Variants in ANK2 observed in about 807,000 individuals in gnomAD.
The protein encoded by ANK2 is ankyrin 2.
Under a neutral mutation model 360.5 loss-of-function variants are expected in ANK2, and 83 were observed. The observed-to-expected ratio is 0.23, with a 90% CI of 0.19 to 0.28. ANK2 has a LOEUF of 0.28. ANK2 is among the 10% of genes least tolerant of loss of function. The pLI, the probability that ANK2 is intolerant of heterozygous loss-of-function variation, is 1.00. For missense variants in ANK2, 4,201 were observed against 4,795.7 expected (o/e 0.88, Z 3.66); for synonymous variants, 1,740 against 1,759.5 (o/e 0.99, Z 0.28).
intron 14 of ANK2, among the ~76,000 whole-genome samples, chr4:113,273,342 G>A (rs29398): frequency 0.055 from 8,322 of 152,176 alleles, 772 homozygotes; most frequent in African/African-American, 0.19. Context: ...ATGAAGAAAG[G>A]TTTTCAATTG....
chr4:112,805,346 T>G, the ANK2 span, among the ~76,000 whole-genome samples: 1 of 152,266 alleles, frequency 6.6e-6, no homozygotes, highest in African/African-American at 2.4e-5. Flanking sequence ...ACCAGAAGTA[T>G]TTGCGGCAGT....
the ANK2 span, among the ~76,000 whole-genome samples, chr4:112,785,650 G>A: frequency 6.6e-6 from 1 of 151,538 alleles, no homozygotes; most frequent in African/African-American, 2.4e-5. Context: ...GATTACAAGT[G>A]TGAGCCACTG....
At chr4:112,785,344 T>C in the ANK2 span, among the ~76,000 whole-genome samples, 4 of 151,996 alleles carry the variant, frequency 2.6e-5, no homozygotes, top group South Asian at 2.1e-4. Context: ...GGCTTTTTTT[T>C]CTTTTTGTTT....
chr4:113,264,901 G>C lies in ANK2; in HGVS notation c.1391G>C (p.Gly464Ala). ...ACGATCTTTGTTCCCTGGCAGCGTGGTGAGACGGCACTACACATGGCAGCC... is the reference window on the plus strand; with the variant it reads ...ACGATCTTTGTTCCCTGGCAGCGTGCTGAGACGGCACTACACATGGCAGCC... ...GASPDVTNIR[G>A]ETALHMAARA... Residue 464 changes from glycine (G) to alanine (A), a missense_variant, in exon 14 of 46, where the codon GGT (glycine) becomes GCT (alanine). This residue lies in a region of ANK2 where 1,268 missense variants were observed against 1,650.8 expected (regional missense o/e 0.77). Transcript: ENST00000357077. The C allele has an allele frequency of 6.4e-7, 1 of 1,561,784 alleles. No individual in the cohort carries two copies. The highest frequency in any genetic ancestry group is 8.7e-7 in the Non-Finnish European group (1 of 1,152,014).
intron 1 of ANK2, among the ~76,000 whole-genome samples, chr4:113,102,157 A>G (rs1167052743): frequency 6.6e-6 from 1 of 152,050 alleles, no homozygotes; most frequent in Non-Finnish European, 1.5e-5. Context: ...ATAGGATGTT[A>G]TGGTTATAGA....
At chr4:113,271,047 G>A (rs1004925004) in intron 14 of ANK2, among the ~76,000 whole-genome samples, 2 of 152,140 alleles carry the variant, frequency 1.3e-5, no homozygotes, top group African/African-American at 4.8e-5. Context: ...ATTCAAGATT[G>A]TGCTGATTAA....
chr4:113,377,567 G>A (rs2096995348), intron 45 of ANK2, among the ~76,000 whole-genome samples: 1 of 152,056 alleles, frequency 6.6e-6, no homozygotes, highest in Non-Finnish European at 1.5e-5. Flanking sequence ...TTTTGCTATT[G>A]GAACATTTTG....
At chr4:113,255,962 A>G in intron 11 of ANK2, 30 bp downstream of exon 11, 1 of 1,605,610 alleles carries the variant, frequency 6.2e-7, no homozygotes, top group Admixed American at 1.7e-5. Flanking sequence ...CATTAACTGA[A>G]TACAGATTGA....
chr4:113,097,866 G>GTA lies in ANK2; in HGVS notation c.84+48062_84+48063dup, dbSNP rs1376914844. Among the ~76,000 whole-genome samples, 831 of 108,800 alleles carry GTA rather than the reference G, an allele frequency of 7.6e-3. 4 individuals carry two copies. The highest frequency in any genetic ancestry group is 0.016 in the Middle Eastern group (3 of 192). The allele number at this position is 108,800 out of a possible 152,430, so 71.4% of individuals were successfully genotyped here. ...TGTGTGTGTGTGTGTGTGTGTGTGTGTATATATATGCACACACACACACAC... is the reference window on the plus strand; with the variant it reads ...TGTGTGTGTGTGTGTGTGTGTGTGTGTATATATATATGCACACACACACACAC... On this transcript the variant is annotated intron_variant, in intron 1 of 45. Transcript: ENST00000357077.
At chr4:112,913,359 C>T (rs1468503193) in intron 2 of ANK2, among the ~76,000 whole-genome samples, 1 of 152,042 alleles carries the variant, frequency 6.6e-6, no homozygotes, top group Non-Finnish European at 1.5e-5. Flanking sequence ...TATTATCAGT[C>T]TCTCTGTGTT....
chr4:112,853,286 C>T (rs1403020361), intron 1 of ANK2, among the ~76,000 whole-genome samples: 1 of 152,100 alleles, frequency 6.6e-6, no homozygotes, highest in African/African-American at 2.4e-5. Context: ...CCAGGATGGT[C>T]TCGATCTCCT....
chr4:113,350,180 G>C, intron 36 of ANK2, 48 bp from the exon 37 acceptor site: 1 of 1,579,864 alleles, frequency 6.3e-7, no homozygotes, highest in Non-Finnish European at 8.7e-7. Flanking sequence ...GGGGCTATGA[G>C]CCAAGGCAGT....
intron 2 of ANK2, among the ~76,000 whole-genome samples, chr4:113,044,304 C>A (rs1167435272): frequency 1.3e-5 from 2 of 152,180 alleles, no homozygotes; most frequent in African/African-American, 4.8e-5. Context: ...AGTCTTTGCT[C>A]TTCCACCTTC....
At chr4:113,324,999 T>C (rs893985663) in intron 26 of ANK2, among the ~76,000 whole-genome samples, 1 of 152,200 alleles carries the variant, frequency 6.6e-6, no homozygotes, top group African/African-American at 2.4e-5. Flanking sequence ...AATTGTGTAT[T>C]TGTAGGCAAG....
chr4:113,124,108 G>A (rs1042879801), intron 1 of ANK2, among the ~76,000 whole-genome samples: 1 of 152,156 alleles, frequency 6.6e-6, no homozygotes, highest in Non-Finnish European at 1.5e-5. Context: ...GCTCAAACAG[G>A]TGGAGAAGTT....
chr4:112,715,871 C>G, the ANK2 span, among the ~76,000 whole-genome samples: 3 of 151,978 alleles, frequency 2.0e-5, no homozygotes, highest in Non-Finnish European at 4.4e-5. Flanking sequence ...TTTAGTGAGC[C>G]GAGATTGCGC....
At chr4:113,071,744 C>T (rs996667801) in intron 1 of ANK2, 2 of 152,668 alleles carry the variant, frequency 1.3e-5, no homozygotes, top group Admixed American at 6.6e-5. Flanking sequence ...AGAGCAATTA[C>T]CTTGAGTAGG....
At position 113,282,883 on chromosome 4, in the gene ANK2, C is replaced by T. The variant is rs1392549920; in HGVS notation, c.2079+11C>T. 1 of 1,613,490 alleles carries T rather than the reference C, an allele frequency of 6.2e-7. No individual in the cohort carries two copies. The highest frequency in any genetic ancestry group is 1.3e-5 in the African/African-American group (1 of 74,888). ...CACATGTCAACTAAGGTATTCTGTCCTTTCTTGCATCAATCAAGAGTGTTT... is the reference window on the plus strand; with the variant it reads ...CACATGTCAACTAAGGTATTCTGTCTTTTCTTGCATCAATCAAGAGTGTTT... On this transcript the variant is annotated intron_variant, in intron 18 of 45. Coordinates refer to ENST00000357077, the MANE Select transcript of ANK2 (RefSeq NM_001148.6).
chr4:112,823,073 A>G (rs1233943205), intron 1 of ANK2, among the ~76,000 whole-genome samples: 2 of 152,230 alleles, frequency 1.3e-5, no homozygotes, highest in East Asian at 3.8e-4. Flanking sequence ...ACATGTGAAT[A>G]AATGTCATAG....
Sources: gnomAD v4.1 joint callset for allele counts (sites outside exome capture counted in the v4.1 genomes callset) on GRCh38, gnomAD v4.1.1 for gene constraint, gnomAD v4.1.1 regional missense constraint, MANE v1.5 for transcripts, NCBI Gene and HGNC (gene_info 2026-07-23, HGNC 2026-07-21) for gene names.